Variants in PVT1 observed in about 807,000 individuals in gnomAD.
PVT1 encodes the protein Pvt1 oncogene, also known as CXCR4/PVT1 fusion.
rs1280832628 is a variant in PVT1, at chr8:127,817,546, T to TATATAC, written n.372+21476_372+21477insTATACA. 4.0e-3 allele frequency among the ~76,000 whole-genome samples: 363 copies of TATATAC among 89,938 alleles called. 3 individuals carry two copies. Among genetic ancestry groups the TATATAC allele is most frequent in the Middle Eastern group, 6.3e-3 (1 of 158 alleles). 59.0% of individuals were successfully genotyped at this position (89,938 alleles called of 152,430 possible). A position where few individuals can be genotyped will look rare whatever the true frequency, so the allele number is the denominator to read the frequency against. The stretch of plus-strand genomic sequence containing the variant: ...CTATTTAAATATATATATATATATA[T>TATATAC]ACACACACACACACATATATATATA... On this transcript the variant is annotated intron_variant and non_coding_transcript_variant, in intron 2 of 10. Transcript: ENST00000651587.
chr8:127,804,294 T>C (rs1049428583), intron 2 of PVT1, among the ~76,000 whole-genome samples: 2 of 152,140 alleles, frequency 1.3e-5, no homozygotes, highest in African/African-American at 4.8e-5. Context: ...TTGAGTTGAA[T>C]ACAAACAATA....
intron 4 of PVT1, among the ~76,000 whole-genome samples, chr8:128,030,971 C>T (rs578188881): frequency 9.2e-5 from 14 of 152,324 alleles, no homozygotes; most frequent in East Asian, 1.9e-4. Flanking sequence ...TTCAAGACAG[C>T]GCCCTCCCTA....
chr8:127,990,290 C>T (rs76660361), intron 4 of PVT1, among the ~76,000 whole-genome samples: 76 of 152,282 alleles, frequency 5.0e-4, no homozygotes, highest in African/African-American at 1.6e-3. Context: ...TTGCCCCTTC[C>T]CCTGCCCATT....
chr8:127,920,820 G>C (rs923107634), intron 3 of PVT1, among the ~76,000 whole-genome samples: 1 of 152,122 alleles, frequency 6.6e-6, no homozygotes, highest in Non-Finnish European at 1.5e-5. Flanking sequence ...TAAAACCATA[G>C]TTTGTATTCC....
chr8:127,823,097 T>G (rs1206336454), intron 2 of PVT1, among the ~76,000 whole-genome samples: 1 of 152,234 alleles, frequency 6.6e-6, no homozygotes, highest in Non-Finnish European at 1.5e-5. Flanking sequence ...AGTTCAAAAG[T>G]CTTTATATTG....
chr8:128,089,682 T>C (rs933576229), intron 5 of PVT1, among the ~76,000 whole-genome samples: 1 of 152,176 alleles, frequency 6.6e-6, no homozygotes, highest in East Asian at 1.9e-4. Flanking sequence ...GGGGTCATAA[T>C]TGGAAAAGTA....
At chr8:128,046,145 C>T (rs574591721) in intron 4 of PVT1, among the ~76,000 whole-genome samples, 1 of 152,188 alleles carries the variant, frequency 6.6e-6, no homozygotes, top group Non-Finnish European at 1.5e-5. Flanking sequence ...CATAGCTGCT[C>T]ACCTTTCAGA....
chr8:128,075,902 A>G (rs1020005727), intron 5 of PVT1, among the ~76,000 whole-genome samples: 4 of 152,260 alleles, frequency 2.6e-5, no homozygotes, highest in African/African-American at 7.2e-5. Context: ...TGACAAACCC[A>G]GCCAGGTTCA....
chr8:127,870,865 T>C (rs948912174), intron 2 of PVT1, among the ~76,000 whole-genome samples: 16 of 152,218 alleles, frequency 1.1e-4, no homozygotes, highest in Non-Finnish European at 1.9e-4. Context: ...TGAGCCCTTA[T>C]TATTTATACT....
In PVT1 at chr8:127,956,863, C is replaced by A. The variant is rs962226880; in HGVS notation, n.783-32299C>A. 3.6e-4 allele frequency among the ~76,000 whole-genome samples: 55 copies of A among 152,184 alleles called. 1 individual carries two copies. The highest frequency in any genetic ancestry group is 5.9e-5 in the Non-Finnish European group (4 of 68,038). On this transcript the variant is annotated intron_variant and non_coding_transcript_variant, in intron 3 of 10. Transcript: ENST00000651587. ...GCTTCACACTTGAGCTAGAGCCCTC[C>A]TTTTAGCAGAAGCTTGTTCTTATTT...
chr8:127,925,117 C>T (rs2129874115), intron 3 of PVT1, among the ~76,000 whole-genome samples: 1 of 152,302 alleles, frequency 6.6e-6, no homozygotes, highest in East Asian at 1.9e-4. Flanking sequence ...TACAAATATA[C>T]CTATCCTGGA....
rs140986080 is a variant in PVT1, at chr8:127,883,117, C to CAG, written n.373-7459_373-7458dup. ...ATGCGGAGTCCAGAAGGCTCAGAGA[C>CAG]AGAGAGAGAGAGAGGAAGGCACAGC... is the stretch of plus-strand genomic sequence containing the variant. On this transcript the variant is annotated intron_variant and non_coding_transcript_variant, in intron 2 of 10. Transcript: ENST00000651587. Among the ~76,000 whole-genome samples, 1,020 of 150,414 alleles carry CAG rather than the reference C, an allele frequency of 6.8e-3. 7 individuals carry two copies. The highest frequency in any genetic ancestry group is 0.024 in the African/African-American group (965 of 41,018).
chr8:127,963,390 G>T (rs1335286541), intron 3 of PVT1, among the ~76,000 whole-genome samples: 1 of 152,150 alleles, frequency 6.6e-6, no homozygotes, highest in Non-Finnish European at 1.5e-5. Flanking sequence ...CCTGTTTGGT[G>T]CATGGGTGAG....
At chr8:127,841,952 C>G (rs1814979763) in intron 2 of PVT1, among the ~76,000 whole-genome samples, 1 of 148,394 alleles carries the variant, frequency 6.7e-6, no homozygotes, top group African/African-American at 2.4e-5. Context: ...TCTTGAACTC[C>G]TGACCTTGTG....
At chr8:127,850,678 A>T (rs1043366216) in intron 2 of PVT1, among the ~76,000 whole-genome samples, 3 of 152,226 alleles carry the variant, frequency 2.0e-5, no homozygotes, top group Admixed American at 2.0e-4. Context: ...AGACTCACTG[A>T]TTGGGTAACT....
At chr8:127,837,744 GC>G (rs1814925197) in intron 2 of PVT1, among the ~76,000 whole-genome samples, 1 of 152,048 alleles carries the variant, frequency 6.6e-6, no homozygotes, top group South Asian at 2.1e-4. Flanking sequence ...GGAGGAACTT[GC>G]CCCAGCTCAT....
At chr8:127,838,127 C>T (rs1459083686) in intron 2 of PVT1, among the ~76,000 whole-genome samples, 3 of 151,996 alleles carry the variant, frequency 2.0e-5, no homozygotes, top group Admixed American at 6.6e-5. Flanking sequence ...GAACTCCCAA[C>T]CTCAGGTGAT....
At chr8:127,966,928 CT>C (rs1476916178) in intron 3 of PVT1, among the ~76,000 whole-genome samples, 1 of 152,186 alleles carries the variant, frequency 6.6e-6, no homozygotes, top group Non-Finnish European at 1.5e-5. Flanking sequence ...TCCATGCCCC[CT>C]GTCACGGGTA....
At chr8:128,028,961 G>A (rs1007911541) in intron 4 of PVT1, among the ~76,000 whole-genome samples, 2 of 151,014 alleles carry the variant, frequency 1.3e-5, no homozygotes, top group Non-Finnish European at 3.0e-5. Flanking sequence ...TCCCACCTCA[G>A]CCTCCCAAGT....
Sources: gnomAD v4.1 joint callset for allele counts (sites outside exome capture counted in the v4.1 genomes callset) on GRCh38, gnomAD v4.1.1 for gene constraint, MANE v1.5 for transcripts, NCBI Gene and HGNC (gene_info 2026-07-23, HGNC 2026-07-21) for gene names.